Variants in KCTD8 observed in about 807,000 individuals in gnomAD.
KCTD8 encodes potassium channel tetramerization domain containing 8, also known as BTB/POZ domain-containing protein KCTD8.
Under a neutral mutation model 31.5 loss-of-function variants are expected in KCTD8, and 27 were observed. The ratio of observed to expected loss-of-function variants is 0.86; its 90% CI spans 0.63 to 1.18. The LOEUF (loss-of-function observed/expected upper bound fraction) is 1.18, where lower values mean the gene tolerates loss of function less well. Among genes scored for constraint, KCTD8 ranks in the 50% most tolerant of loss-of-function variants. The pLI is 0.00. For missense variants in KCTD8, 658 were observed against 647.7 expected, an observed-to-expected ratio of 1.02 and a Z score of -0.17; for synonymous variants, 290 against 280.0, an observed-to-expected ratio of 1.04 and a Z score of -0.36.
intron 1 of KCTD8, among the ~76,000 whole-genome samples, chr4:44,368,987 T>C (rs1000292850): frequency 3.3e-5 from 5 of 152,198 alleles, no homozygotes; most frequent in Non-Finnish European, 5.9e-5. Flanking sequence ...TCTGTCCTTT[T>C]TTTGCAGTTA....
At chr4:44,400,702 C>A (rs1210564972) in intron 1 of KCTD8, among the ~76,000 whole-genome samples, 1 of 136,652 alleles carries the variant, frequency 7.3e-6, no homozygotes, top group African/African-American at 2.7e-5. Flanking sequence ...GGACTCCAGC[C>A]TGGGGGACAG....
intron 1 of KCTD8, among the ~76,000 whole-genome samples, chr4:44,420,558 G>C (rs1345083048): frequency 6.6e-6 from 1 of 152,150 alleles, no homozygotes; most frequent in Non-Finnish European, 1.5e-5. Context: ...AATAATCACA[G>C]AGTAGGCCAT....
chr4:44,447,730 T>C lies in KCTD8; in HGVS notation c.794A>G (p.Tyr265Cys). 1 of 1,612,584 alleles carries C rather than the reference T, an allele frequency of 6.2e-7. No individual in the cohort carries two copies. The highest frequency in any genetic ancestry group is 8.5e-7 in the Non-Finnish European group (1 of 1,179,486). ...GAACTTGAGGTAGAAGCGGGACGTG[T>C]ACTTCTCCGGCTGCCGGTCGGGGTC... is the stretch of plus-strand genomic sequence containing the variant. ...SRDPDRQPEK[Y>C]TSRFYLKFTY... Residue 265 changes from tyrosine to cysteine, a missense_variant, in exon 1 of 2, where the codon TAC becomes TGC. Coordinates refer to ENST00000360029, the MANE Select transcript of KCTD8 (RefSeq NM_198353.3).
At chr4:44,399,046 A>T (rs942832715) in intron 1 of KCTD8, among the ~76,000 whole-genome samples, 14 of 152,112 alleles carry the variant, frequency 9.2e-5, no homozygotes, top group Non-Finnish European at 2.1e-4. Context: ...TGGATAGGAG[A>T]ATTAAAAGTA....
chr4:44,326,054 ATGT>A (rs1460007847), intron 1 of KCTD8, among the ~76,000 whole-genome samples: 3 of 151,984 alleles, frequency 2.0e-5, no homozygotes, highest in African/African-American at 4.8e-5. Context: ...GTACTCTAAA[ATGT>A]TGTGTGGAAC....
intron 1 of KCTD8, among the ~76,000 whole-genome samples, chr4:44,263,083 C>A (rs1047300824): frequency 6.6e-6 from 1 of 152,144 alleles, no homozygotes; most frequent in African/African-American, 2.4e-5. Context: ...AAATTTCACT[C>A]TCACATATTC....
At chr4:44,211,848 T>C (rs1714493283) in intron 1 of KCTD8, among the ~76,000 whole-genome samples, 1 of 152,138 alleles carries the variant, frequency 6.6e-6, no homozygotes, top group African/African-American at 2.4e-5. Context: ...GTATATTTTG[T>C]ATGATTTGTT....
intron 1 of KCTD8, among the ~76,000 whole-genome samples, chr4:44,240,221 T>C (rs911878222): frequency 1.3e-5 from 2 of 152,236 alleles, no homozygotes; most frequent in African/African-American, 4.8e-5. Context: ...GGTGTTTCTC[T>C]GTCAAAACAG....
intron 1 of KCTD8, among the ~76,000 whole-genome samples, chr4:44,444,269 G>A (rs769592868): frequency 1.1e-4 from 16 of 152,108 alleles, no homozygotes; most frequent in Non-Finnish European, 1.6e-4. Context: ...GCCCTGAATC[G>A]GAAATGGGTT....
intron 1 of KCTD8, among the ~76,000 whole-genome samples, chr4:44,403,779 G>A (rs1720721166): frequency 6.6e-6 from 1 of 152,088 alleles, no homozygotes; most frequent in South Asian, 2.1e-4. Flanking sequence ...TGAATTTTGA[G>A]AGAACACAAT....
At chr4:44,421,081 T>C (rs1358252088) in intron 1 of KCTD8, among the ~76,000 whole-genome samples, 5 of 152,102 alleles carry the variant, frequency 3.3e-5, no homozygotes, top group Admixed American at 3.3e-4. Flanking sequence ...TTAATTCAGA[T>C]GACTGAAACA....
intron 1 of KCTD8, among the ~76,000 whole-genome samples, chr4:44,294,271 C>A (rs1717366194): frequency 6.6e-6 from 1 of 152,140 alleles, no homozygotes; most frequent in African/African-American, 2.4e-5. Context: ...GGAAGCCAGT[C>A]TGACACTTAG....
intron 1 of KCTD8, among the ~76,000 whole-genome samples, chr4:44,204,418 G>A (rs1176899785): frequency 1.3e-5 from 2 of 152,160 alleles, no homozygotes; most frequent in Non-Finnish European, 2.9e-5. Flanking sequence ...ATAGATTACA[G>A]ACATTGTATA....
At chr4:44,362,757 G>A (rs896810952) in intron 1 of KCTD8, among the ~76,000 whole-genome samples, 1 of 150,036 alleles carries the variant, frequency 6.7e-6, no homozygotes, top group African/African-American at 2.5e-5. Flanking sequence ...AGTTTCTTCT[G>A]TGTTAAAGGT....
chr4:44,198,862 C>A (rs1441880477), intron 1 of KCTD8, among the ~76,000 whole-genome samples: 2 of 152,062 alleles, frequency 1.3e-5, no homozygotes, highest in Non-Finnish European at 1.5e-5. Context: ...CATAAAGTGG[C>A]AAGCTGGATA....
At chr4:44,205,118 G>A (rs1420011420) in intron 1 of KCTD8, among the ~76,000 whole-genome samples, 1 of 151,944 alleles carries the variant, frequency 6.6e-6, no homozygotes, top group African/African-American at 2.4e-5. Flanking sequence ...TACATGCAAT[G>A]CAAGACTAAT....
intron 1 of KCTD8, among the ~76,000 whole-genome samples, chr4:44,371,193 T>C (rs1719774752): frequency 6.6e-6 from 1 of 152,176 alleles, no homozygotes; most frequent in Non-Finnish European, 1.5e-5. Context: ...TTGGTTGTAA[T>C]CATGCAGTCA....
In KCTD8 at chr4:44,297,780, C is replaced by T. The variant is rs1474899034; in HGVS notation, c.962-122530G>A. 3.3e-5 allele frequency among the ~76,000 whole-genome samples: 5 copies of T among 152,254 alleles called. No individual in the cohort carries two copies. In the South Asian group the frequency reaches 6.2e-4, roughly 19 times the overall value. The stretch of plus-strand genomic sequence containing the variant: ...AAAACATTAGAAATGTCTACTACTC[C>T]ACAATGAATTTGCAACTTACATGAA... On this transcript the variant is annotated intron_variant, in intron 1 of 1. Coordinates refer to ENST00000360029, the MANE Select transcript of KCTD8 (RefSeq NM_198353.3).
intron 1 of KCTD8, among the ~76,000 whole-genome samples, chr4:44,212,060 C>T (rs1298634070): frequency 1.3e-5 from 2 of 151,974 alleles, no homozygotes; most frequent in Non-Finnish European, 2.9e-5. Flanking sequence ...TTTGGAATTG[C>T]CATGGGATAG....
Sources: gnomAD v4.1 joint callset for allele counts (sites outside exome capture counted in the v4.1 genomes callset) on GRCh38, gnomAD v4.1.1 for gene constraint, MANE v1.5 for transcripts, NCBI Gene and HGNC (gene_info 2026-07-23, HGNC 2026-07-21) for gene names.